CASP6: variants seen among roughly 807,000 people sequenced by gnomAD.
CASP6 encodes the protein caspase-6.
A neutral mutation model predicts 31.8 loss-of-function variants in CASP6; 20 were observed. That is an observed-to-expected ratio of 0.63 (90% CI 0.44 to 0.91). The LOEUF is 0.91. Among genes scored for constraint, CASP6 ranks in the 40% least tolerant of loss-of-function variants. CASP6 has a pLI of 0.00. For missense variants in CASP6, 328 were observed against 361.1 expected, an observed-to-expected ratio of 0.91 and a Z score of 0.74; for synonymous variants, 130 against 127.8, an observed-to-expected ratio of 1.02 and a Z score of -0.12.
upstream of CASP6, among the ~76,000 whole-genome samples, chr4:109,707,387 ATTTTTTT>A (rs570364377): frequency 7.3e-6 from 1 of 136,328 alleles, no homozygotes; most frequent in Non-Finnish European, 1.6e-5. Context: ...TAACTCCTGG[ATTTTTTT>A]TTTTTTTTTT....
At chr4:109,684,747 C>A (rs556124431), downstream of CASP6, 2 of 637,092 alleles carry the variant, frequency 3.1e-6, no homozygotes, top group South Asian at 2.1e-5. Flanking sequence ...TGAATTACTG[C>A]CATCTGGTTT....
At chr4:109,704,195 G>A (rs1047249058), upstream of CASP6, among the ~76,000 whole-genome samples, 6 of 152,190 alleles carry the variant, frequency 3.9e-5, no homozygotes, top group Non-Finnish European at 7.3e-5. Flanking sequence ...CCAAATGAAA[G>A]GAAGAGCCTG....
chr4:109,684,693 G>T (rs200680035), downstream of CASP6: 1 of 907,142 alleles, frequency 1.1e-6, no homozygotes, highest in African/African-American at 1.6e-5. Context: ...TCTTTGCAAA[G>T]AATGTCTTAT....
chr4:109,709,218 T>C, the CASP6 span, among the ~76,000 whole-genome samples: 1 of 152,172 alleles, frequency 6.6e-6, no homozygotes, highest in Non-Finnish European at 1.5e-5. Flanking sequence ...TTGTTAGAAA[T>C]GCAAATTCTC....
intron 1 of CASP6, chr4:109,702,727 T>A (rs1421102933): frequency 6.6e-6 from 1 of 152,210 alleles, no homozygotes; most frequent in African/African-American, 2.4e-5. Context: ...GTTGATTACT[T>A]TGCAGAAAAA....
At chr4:109,679,999 A>G in the CASP6 span, among the ~76,000 whole-genome samples, 1 of 152,046 alleles carries the variant, frequency 6.6e-6, no homozygotes, top group Non-Finnish European at 1.5e-5. Flanking sequence ...ACGGGGTTTC[A>G]CCCTGTTGGC....
intron 1 of CASP6, among the ~76,000 whole-genome samples, chr4:109,701,344 C>G (rs899278727): frequency 3.3e-5 from 5 of 152,144 alleles, no homozygotes; most frequent in African/African-American, 1.2e-4. Context: ...AAGGAGCTAC[C>G]CTGTATAACA....
chr4:109,704,541 G>A (rs982665338), upstream of CASP6, among the ~76,000 whole-genome samples: 7 of 152,178 alleles, frequency 4.6e-5, no homozygotes, highest in Non-Finnish European at 7.3e-5. Flanking sequence ...AGAGGTGAGG[G>A]AATTGCAAAA....
intron 4 of CASP6, among the ~76,000 whole-genome samples, chr4:109,695,739 T>C (rs1425603848): frequency 3.4e-5 from 2 of 58,144 alleles, no homozygotes; most frequent in East Asian, 8.3e-4. Context: ...AGACTCCATC[T>C]CAAAAAAAAA....
chr4:109,698,411 AT>A (rs754266077), intron 1 of CASP6, 69 bp from the exon 2 acceptor site: 20 of 1,357,306 alleles, frequency 1.5e-5, no homozygotes, highest in Non-Finnish European at 2.0e-5. Context: ...AGGAACTCCC[AT>A]CCCCCTTCTG....
the CASP6 span, among the ~76,000 whole-genome samples, chr4:109,681,857 G>A: frequency 3.9e-5 from 6 of 152,354 alleles, no homozygotes; most frequent in Non-Finnish European, 5.9e-5. Context: ...TAACAAACAC[G>A]AACCAGAAGA....
chr4:109,695,972 A>T (rs1250561140), intron 4 of CASP6, among the ~76,000 whole-genome samples: 2 of 152,202 alleles, frequency 1.3e-5, no homozygotes, highest in Non-Finnish European at 2.9e-5. Flanking sequence ...ATAGGTTGTT[A>T]TAATTAGAAT....
downstream of CASP6, among the ~76,000 whole-genome samples, chr4:109,686,447 T>C (rs1367319477): frequency 6.6e-6 from 1 of 152,204 alleles, no homozygotes; most frequent in African/African-American, 2.4e-5. Flanking sequence ...CCAAGCCTTT[T>C]TAAAAAATGT....
At position 109,703,343 on chromosome 4, in the gene CASP6, G is replaced by A; in HGVS notation, c.40+13C>T. Reference sequence around the variant, plus strand: ...CAGACCTGCTCGGTGCCCAGTCGACGCCCCCTGCCTACCTGCCGGGTGCCC... The same window carrying A: ...CAGACCTGCTCGGTGCCCAGTCGACACCCCCTGCCTACCTGCCGGGTGCCC... On this transcript the variant is annotated intron_variant, in intron 1 of 6. Transcript: ENST00000265164. 2.5e-6 allele frequency: 4 copies of A among 1,606,584 alleles called. No homozygotes were observed. The highest frequency in any genetic ancestry group is 3.4e-6 in the Non-Finnish European group (4 of 1,176,978).
upstream of CASP6, among the ~76,000 whole-genome samples, chr4:109,705,974 T>TAAAAA (rs59584573): frequency 6.8e-5 from 2 of 29,398 alleles, 1 homozygote; most frequent in African/African-American, 1.9e-4. Flanking sequence ...AGACACTCTT[T>TAAAAA]AAAAAAAAAA....
chr4:109,682,179 G>A, the CASP6 span, among the ~76,000 whole-genome samples: 1 of 152,224 alleles, frequency 6.6e-6, no homozygotes, highest in Non-Finnish European at 1.5e-5. Context: ...AATCCAGCTA[G>A]TTCTGTCTCT....
chr4:109,690,753 T>A lies in CASP6; in HGVS notation c.643+97A>T, dbSNP rs942898509. The A allele has an allele frequency of 3.1e-6, 4 of 1,286,250 alleles. No homozygotes were observed. In the African/African-American group the frequency reaches 6.0e-5, roughly 19 times the overall value. The allele number at this position is 1,286,250 out of a possible 1,614,324, so 79.7% of individuals were successfully genotyped here. ...TGAGCTTCAGGATGGAATCACCATG[T>A]CCCAACCGAAAGATCTGACCCAAAC... On this transcript the variant is annotated intron_variant, in intron 6 of 6. Transcript: ENST00000265164.
At chr4:109,706,135 A>AAT (rs1377252088), upstream of CASP6, among the ~76,000 whole-genome samples, 3 of 26,382 alleles carry the variant, frequency 1.1e-4, no homozygotes, top group African/African-American at 5.5e-4. Flanking sequence ...TCCATTTTAT[A>AAT]TATATATATA....
rs759683957 is a variant in CASP6, at chr4:109,697,782, GT to G, written c.84-15del. Reference sequence around the variant, plus strand: ...TCAAACATTTCTCTGTTAATGAAAAGTTGAAAAACAATCACTTCAAGTCATA... The same window carrying G: ...TCAAACATTTCTCTGTTAATGAAAAGTGAAAAACAATCACTTCAAGTCATA... On this transcript the variant is annotated splice_polypyrimidine_tract_variant and intron_variant, in intron 2 of 6. Coordinates refer to ENST00000265164, the MANE Select transcript of CASP6 (RefSeq NM_001226.4). The G allele has an allele frequency of 1.2e-6, 2 of 1,611,142 alleles. No individual in the cohort carries two copies. Among genetic ancestry groups the G allele is most frequent in the Non-Finnish European group, 1.7e-6 (2 of 1,179,034 alleles).
Sources: allele counts gnomAD v4.1 joint callset (sites outside exome capture counted in the v4.1 genomes callset), GRCh38; gene constraint gnomAD v4.1.1; transcripts MANE v1.5; gene names NCBI Gene and HGNC (gene_info 2026-07-23, HGNC 2026-07-21).